The following FGF13 variants were observed in gnomAD, a reference collection of about 807,000 sequenced individuals.
The protein encoded by FGF13 is fibroblast growth factor homologous factor 2.
In FGF13, 2 loss-of-function variants were observed where a neutral mutation model predicts 19.5. The observed-to-expected ratio is 0.10, with a 90% CI of 0.04 to 0.32. The LOEUF (loss-of-function observed/expected upper bound fraction) is 0.32, where lower values mean the gene tolerates loss of function less well. Among genes scored for constraint, FGF13 ranks in the 10% least tolerant of loss-of-function variants. The pLI is 1.00. For missense variants in FGF13, 113 were observed against 192.7 expected, an observed-to-expected ratio of 0.59 and a Z score of 2.45; for synonymous variants, 72 against 76.9, an observed-to-expected ratio of 0.94 and a Z score of 0.33.
At chrX:139,141,745 T>C (rs2083847443) in intron 1 of FGF13, among the ~76,000 whole-genome samples, 1 of 112,652 alleles carries the variant, frequency 8.9e-6, no homozygotes, top group African/African-American at 3.2e-5. Flanking sequence ...AACTTATGTA[T>C]ATTTAGTTCT....
intron 3 of FGF13, among the ~76,000 whole-genome samples, chrX:138,673,203 T>G (rs1432373214): frequency 9.0e-6 from 1 of 111,226 alleles, no homozygotes; most frequent in African/African-American, 3.3e-5. Flanking sequence ...GTAAGGGATA[T>G]GCAATAAAGG....
At chrX:138,963,762 T>C (rs2091884204) in intron 1 of FGF13, among the ~76,000 whole-genome samples, 1 of 112,063 alleles carries the variant, frequency 8.9e-6, no homozygotes, top group Non-Finnish European at 1.9e-5. Context: ...CTATTTAATT[T>C]GTCTTCTTTG....
intron 1 of FGF13, among the ~76,000 whole-genome samples, chrX:139,104,733 C>T (rs1459623544): frequency 9.0e-6 from 1 of 110,587 alleles, no homozygotes; most frequent in Non-Finnish European, 1.9e-5. Flanking sequence ...CCCCTTGTAA[C>T]CTCACATGAA....
At chrX:138,823,024 G>A (rs189753692) in intron 3 of FGF13, among the ~76,000 whole-genome samples, 4 of 111,489 alleles carry the variant, frequency 3.6e-5, no homozygotes, top group Non-Finnish European at 7.5e-5. Flanking sequence ...AACATCATTC[G>A]AGGTGTTATG....
intron 1 of FGF13, among the ~76,000 whole-genome samples, chrX:138,892,623 C>T (rs767949047): frequency 1.8e-5 from 2 of 110,340 alleles, no homozygotes; most frequent in Non-Finnish European, 3.8e-5. Context: ...ATATAGAGGT[C>T]TGGGAGTGGG....
intron 1 of FGF13, among the ~76,000 whole-genome samples, chrX:138,893,897 T>C (rs927784863): frequency 1.8e-5 from 2 of 111,623 alleles, no homozygotes; most frequent in African/African-American, 6.5e-5. Context: ...ATGATCTGAA[T>C]GAGCCAAGCA....
Position 138,625,661 on chromosome X carries a change from G to C in FGF13, c.*7189C>G, listed in dbSNP as rs1207948650. On this transcript the variant is annotated 3_prime_UTR_variant, in exon 5 of 5. Transcript: ENST00000315930. Reference sequence around the variant, plus strand: ...AAAAAAATGCTACATGACATCCTTTGTATAAAAAGAATCTTAAAAAGTTGA... The same window carrying C: ...AAAAAAATGCTACATGACATCCTTTCTATAAAAAGAATCTTAAAAAGTTGA... The C allele has an allele frequency of 9.3e-6, 1 of 106,953 alleles. No homozygotes were observed. Among genetic ancestry groups the C allele is most frequent in the Non-Finnish European group, 1.9e-5 (1 of 52,022 alleles). 8.8% of individuals were successfully genotyped at this position (106,953 alleles called of 1,213,427 possible). A position where few individuals can be genotyped will look rare whatever the true frequency, so the allele number is the denominator to read the frequency against.
rs950028017 is a variant in FGF13, at chrX:139,169,757, G to C, written c.-113+33659C>G. On this transcript the variant is annotated intron_variant, in intron 1 of 2. Coordinates refer to the FGF13 transcript ENST00000421460. ...AATACTCCAGATGCCTCATCAGTGA[G>C]CCACCAGGATCAGTGAGAGCCTCTA... is the stretch of plus-strand genomic sequence containing the variant. Among the ~76,000 whole-genome samples the C allele has an allele frequency of 2.7e-5, 3 of 111,508 alleles. No homozygotes were observed. In the Admixed American group the frequency reaches 2.9e-4, roughly 11 times the overall value.
intron 1 of FGF13, among the ~76,000 whole-genome samples, chrX:138,903,327 T>C (rs1330488901): frequency 8.9e-5 from 10 of 111,820 alleles, no homozygotes; most frequent in Non-Finnish European, 1.7e-4. Flanking sequence ...TGTCTACAAC[T>C]GTTTAACAGG....
intron 1 of FGF13, among the ~76,000 whole-genome samples, chrX:138,997,996 A>G (rs1318618279): frequency 8.9e-6 from 1 of 111,995 alleles, no homozygotes. Flanking sequence ...CTCTGCAGAA[A>G]CCCTACAAGC....
rs2089047368 is a variant in FGF13, at chrX:138,625,276, A to C, written c.*7574T>G. ...AAAACAGTATGGAGATCCTCATAAA[A>C]GTAAAAATAGAACTACTGTATGATC... is the stretch of plus-strand genomic sequence containing the variant. On this transcript the variant is annotated 3_prime_UTR_variant, in exon 5 of 5. Transcript: ENST00000315930. 2.8e-5 allele frequency: 3 copies of C among 108,255 alleles called. No individual in the cohort carries two copies. Among genetic ancestry groups the C allele is most frequent in the Non-Finnish European group, 5.7e-5 (3 of 52,359 alleles). The allele number at this position is 108,255 out of a possible 1,213,427, so 8.9% of individuals were successfully genotyped here.
chrX:139,014,117 G>A (rs933819335), intron 1 of FGF13, among the ~76,000 whole-genome samples: 2 of 111,170 alleles, frequency 1.8e-5, no homozygotes, highest in African/African-American at 6.5e-5. Context: ...GCAGTACTAA[G>A]AGGGAAGTTT....
chrX:138,957,516 G>A (rs771737989), intron 1 of FGF13, among the ~76,000 whole-genome samples: 5 of 111,482 alleles, frequency 4.5e-5, no homozygotes, highest in Non-Finnish European at 9.4e-5. Context: ...CTCTTTTTTG[G>A]TTCCATACGA....
intron 1 of FGF13, among the ~76,000 whole-genome samples, chrX:138,937,569 A>G (rs1215337427): frequency 8.9e-6 from 1 of 112,245 alleles, no homozygotes; most frequent in Non-Finnish European, 1.9e-5. Flanking sequence ...GTATGTAGCT[A>G]TGTACGTATG....
chrX:139,139,012 C>T, intron 1 of FGF13, among the ~76,000 whole-genome samples: 1 of 107,324 alleles, frequency 9.3e-6, no homozygotes, highest in Middle Eastern at 4.7e-3. Flanking sequence ...TCACTGCAAC[C>T]TCCTTCTCCC....
chrX:139,099,885 G>T (rs1232417793), intron 1 of FGF13, among the ~76,000 whole-genome samples: 1 of 110,838 alleles, frequency 9.0e-6, no homozygotes, highest in African/African-American at 3.3e-5. Flanking sequence ...CATAAAAATG[G>T]CGATTTATTT....
intron 3 of FGF13, among the ~76,000 whole-genome samples, chrX:138,808,530 A>G (rs2090891706): frequency 9.0e-6 from 1 of 111,690 alleles, no homozygotes; most frequent in Non-Finnish European, 1.9e-5. Flanking sequence ...CAATGGAAAG[A>G]ACTAGAGAAG....
chrX:138,934,817 C>G (rs2091723111), intron 1 of FGF13, among the ~76,000 whole-genome samples: 1 of 110,785 alleles, frequency 9.0e-6, no homozygotes, highest in South Asian at 3.8e-4. Context: ...TTAAGCAAGG[C>G]AGTAGTCATT....
At position 138,673,431 on chromosome X, in the gene FGF13, C is replaced by A. The variant is rs189453179; in HGVS notation, c.402+29553G>T. Among the ~76,000 whole-genome samples the A allele has an allele frequency of 2.0e-3, 220 of 110,800 alleles. 2 individuals are homozygous for A. The highest frequency in any genetic ancestry group is 7.0e-3 in the African/African-American group (214 of 30,475). On this transcript the variant is annotated intron_variant, in intron 3 of 4. Transcript: ENST00000315930. ...ATGCAGGGAGCCATGATGTTTTACA[C>A]ACATGGGGATATGTGGGAGTAGCCA...
Sources: allele counts gnomAD v4.1 joint callset (sites outside exome capture counted in the v4.1 genomes callset), GRCh38; gene constraint gnomAD v4.1.1; transcripts MANE v1.5; gene names NCBI Gene and HGNC (gene_info 2026-07-23, HGNC 2026-07-21).